Variants in ERICH6 observed in about 807,000 individuals in gnomAD.
The protein encoded by ERICH6 is glutamate rich 6.
ERICH6 carries 71 observed loss-of-function variants against 71.0 expected under a neutral mutation model. The observed-to-expected ratio is 1.00, with a 90% CI of 0.83 to 1.22. ERICH6 has a LOEUF of 1.22. ERICH6 is among the 50% of genes most tolerant of loss of function. The pLI is 0.00. For missense variants in ERICH6, 808 were observed against 797.2 expected, an observed-to-expected ratio of 1.01 and a Z score of -0.16; for synonymous variants, 262 against 278.4, an observed-to-expected ratio of 0.94 and a Z score of 0.59.
intron 1 of ERICH6, among the ~76,000 whole-genome samples, chr3:150,702,949 A>AGAGAGAGAGGGAGAGAGAAAGAGC (rs1712965622): frequency 1.6e-5 from 1 of 61,610 alleles, no homozygotes; most frequent in African/African-American, 6.4e-5. Context: ...AGAGAAAGAG[A>AGAGAGAGAGGGAGAGAGAAAGAGC]GGGGGAGGGG....
At position 150,669,327 on chromosome 3, in the gene ERICH6, T is replaced by C. The variant is rs760818240; in HGVS notation, c.1468A>G (p.Ser490Gly). The C allele has an allele frequency of 7.4e-6, 12 of 1,611,802 alleles. No individual in the cohort carries two copies. Among genetic ancestry groups the C allele is most frequent in the Non-Finnish European group, 1.0e-5 (12 of 1,179,160 alleles). ...ILAVLDSSGR[S>G]SCYHPNGNVW... ...TTTCCATTGGGATGATAGCAGGAAC[T>C]TCTGCCAGAGGAATCCAGCACTGCT... Residue 490 changes from serine to glycine, a missense_variant, in exon 12 of 14, where the codon AGT becomes GGT. Ser to Gly is a moderately conservative substitution (Grantham distance 56, BLOSUM62 0). Transcript: ENST00000295910.
chr3:150,662,116 C>T (rs1046929758), intron 13 of ERICH6, among the ~76,000 whole-genome samples: 2 of 152,126 alleles, frequency 1.3e-5, no homozygotes, highest in African/African-American at 4.8e-5. Flanking sequence ...TTAGGAATAA[C>T]ACATGTTGAT....
In ERICH6 at chr3:150,669,363, G is replaced by C. The variant is rs1171201569; in HGVS notation, c.1432C>G (p.Pro478Ala). 1 of 1,613,740 alleles carries C rather than the reference G, an allele frequency of 6.2e-7. No individual in the cohort carries two copies. Among genetic ancestry groups the C allele is most frequent in the South Asian group, 1.1e-5 (1 of 90,994 alleles). The change falls in exon 12 of 14, where the codon CCT (proline) becomes GCT (alanine). Residue 478 changes from proline to alanine, a missense_variant. Physicochemically the swap from Pro to Ala is conservative, Grantham distance 27 (BLOSUM62 -1). Transcript: ENST00000295910. ...GAATCCAGCACTGCTAGGATAGCAG[G>C]GTTAGTGGGCATATCTTCTTGGACT... ...CIVQEDMPTN[P>A]AILAVLDSSG...
intron 11 of ERICH6, among the ~76,000 whole-genome samples, chr3:150,669,988 G>C (rs1272215189): frequency 1.3e-5 from 2 of 152,048 alleles, no homozygotes; most frequent in African/African-American, 4.8e-5. Flanking sequence ...AAGCCCAGGA[G>C]TTCCAGACCA....
At chr3:150,671,123 G>A (rs562071562) in intron 11 of ERICH6, among the ~76,000 whole-genome samples, 10 of 152,212 alleles carry the variant, frequency 6.6e-5, no homozygotes, top group Admixed American at 2.0e-4. Flanking sequence ...TTTAGGTCAG[G>A]TAAATTATTT....
intron 10 of ERICH6, among the ~76,000 whole-genome samples, chr3:150,675,060 G>A (rs1282742711): frequency 2.0e-5 from 3 of 152,142 alleles, no homozygotes; most frequent in African/African-American, 7.2e-5. Flanking sequence ...TTGAACCTGG[G>A]AAGCAGAGGT....
At chr3:150,671,702 C>T (rs1290497571) in intron 11 of ERICH6, among the ~76,000 whole-genome samples, 2 of 152,240 alleles carry the variant, frequency 1.3e-5, no homozygotes, top group Non-Finnish European at 2.9e-5. Context: ...TCACAGCTCA[C>T]TGCAGCCTCC....
Position 150,703,491 on chromosome 3 carries a change from G to T in ERICH6, c.403+5C>A. 1.3e-6 allele frequency: 2 copies of T among 1,582,532 alleles called. No homozygotes were observed. Among genetic ancestry groups the T allele is most frequent in the Non-Finnish European group, 1.7e-6 (2 of 1,164,562 alleles). ...CTCGAGGAAGGGGTGGGTCGGGGGC[G>T]GTACTTTTATGCGAGGAGGTGCTGG... On this transcript the variant is annotated splice_donor_5th_base_variant and intron_variant, in intron 1 of 13. Coordinates refer to ENST00000295910, the MANE Select transcript of ERICH6 (RefSeq NM_152394.5).
At chr3:150,669,972 T>C (rs73003067) in intron 11 of ERICH6, among the ~76,000 whole-genome samples, 25,099 of 151,874 alleles carry the variant, frequency 0.17, 2,171 homozygotes, top group African/African-American at 0.21. Context: ...GGCAGGAGGA[T>C]TGTTGAAGCC....
intron 7 of ERICH6, among the ~76,000 whole-genome samples, chr3:150,681,963 C>T (rs947568442): frequency 6.6e-6 from 1 of 151,906 alleles, no homozygotes; most frequent in Non-Finnish European, 1.5e-5. Context: ...TACAGGTGCA[C>T]ACCGCCATGC....
intron 7 of ERICH6, among the ~76,000 whole-genome samples, chr3:150,681,778 T>C (rs2108060082): frequency 6.6e-6 from 1 of 151,542 alleles, no homozygotes; most frequent in East Asian, 2.0e-4. Flanking sequence ...GCTTGTGATT[T>C]GCGTTTCCCT....
At position 150,703,637 on chromosome 3, in the gene ERICH6, C is replaced by T; in HGVS notation, c.262G>A (p.Asp88Asn). 6.2e-7 allele frequency: 1 copy of T among 1,614,072 alleles called. No homozygotes were observed. ...LWKVTDIGDY[D>N]DDFPDVRPRL... ...GGGCGCACGTCTGGGAAGTCGTCGTCGTAGTCACCGATGTCCGTGACCTTC... is the reference window on the plus strand; with the variant it reads ...GGGCGCACGTCTGGGAAGTCGTCGTTGTAGTCACCGATGTCCGTGACCTTC... Residue 88 changes from aspartate to asparagine, a missense_variant, in exon 1 of 14, where the codon GAC becomes AAC. By Grantham distance (23) the Asp-to-Asn change is conservative. Coordinates refer to ENST00000295910, the MANE Select transcript of ERICH6 (RefSeq NM_152394.5).
Position 150,692,060 on chromosome 3 carries a change from G to T in ERICH6, c.554-5706C>A, listed in dbSNP as rs181356251. On this transcript the variant is annotated intron_variant, in intron 3 of 13. Coordinates refer to ENST00000295910, the MANE Select transcript of ERICH6 (RefSeq NM_152394.5). ...TTCTCTTTAATCATCAATGTCAAAA[G>T]CACACTGATATAAGACTAGCATATA... Among the ~76,000 whole-genome samples the T allele has an allele frequency of 6.6e-5, 10 of 152,258 alleles. No individual in the cohort carries two copies. The East Asian group carries it at 1.9e-3, about 29-fold the overall frequency.
chr3:150,703,691 G>A lies in ERICH6; in HGVS notation c.208C>T (p.Pro70Ser). 6.2e-7 allele frequency: 1 copy of A among 1,608,296 alleles called. No homozygotes were observed. The highest frequency in any genetic ancestry group is 8.5e-7 in the Non-Finnish European group (1 of 1,177,742). The change falls in exon 1 of 14, where the codon CCT (proline) becomes TCT (serine). Residue 70 changes from proline to serine, a missense_variant. By Grantham distance (74) the Pro-to-Ser change is moderately conservative. This residue lies in a region of ERICH6 where 19 missense variants were observed against 44.4 expected (regional missense o/e 0.43). Transcript: ENST00000295910. ...AGGTACTCTTCGCTGAACGTCTCAG[G>A]GGCCTCCAACTCCTGCTCTTCCCCC... ...LVGEEQELEAPETFSEEYLWK... is the reference protein window; with the variant it reads ...LVGEEQELEASETFSEEYLWK...
intron 11 of ERICH6, among the ~76,000 whole-genome samples, chr3:150,673,231 A>T (rs1559911979): frequency 6.8e-6 from 1 of 147,418 alleles, no homozygotes; most frequent in African/African-American, 2.5e-5. Flanking sequence ...TCTGTCATTT[A>T]GGCTGGAGTG....
chr3:150,671,240 C>T (rs547718670), intron 11 of ERICH6, among the ~76,000 whole-genome samples: 18 of 152,280 alleles, frequency 1.2e-4, no homozygotes, highest in African/African-American at 4.1e-4. Context: ...TTCTGGCTTA[C>T]TATTGGGGTT....
chr3:150,688,419 C>G (rs1712285403), intron 3 of ERICH6, among the ~76,000 whole-genome samples: 1 of 152,192 alleles, frequency 6.6e-6, no homozygotes, highest in South Asian at 2.1e-4. Flanking sequence ...TATGCAGTAA[C>G]TTCAAAGAAT....
chr3:150,671,231 T>C (rs1044347895), intron 11 of ERICH6, among the ~76,000 whole-genome samples: 1 of 152,234 alleles, frequency 6.6e-6, no homozygotes, highest in African/African-American at 2.4e-5. Context: ...AAGTCATTTT[T>C]CTGGCTTACT....
chr3:150,669,615 C>T (rs1711497236), intron 11 of ERICH6, among the ~76,000 whole-genome samples, 164 bp from the exon 12 acceptor site: 2 of 152,140 alleles, frequency 1.3e-5, no homozygotes, highest in South Asian at 4.1e-4. Context: ...TCAGAATATA[C>T]TCATGAGATG....
Sources: gnomAD v4.1 joint callset for allele counts (sites outside exome capture counted in the v4.1 genomes callset) on GRCh38, gnomAD v4.1.1 for gene constraint, gnomAD v4.1.1 regional missense constraint, MANE v1.5 for transcripts, NCBI Gene and HGNC (gene_info 2026-07-23, HGNC 2026-07-21) for gene names.